Variants in PSMC3 observed in about 807,000 individuals in gnomAD.
PSMC3 encodes 26S proteasome regulatory subunit 6A.
Under a neutral mutation model 52.0 loss-of-function variants are expected in PSMC3, and 11 were observed. The observed-to-expected ratio is 0.21, with a 90% CI of 0.13 to 0.35. The LOEUF (loss-of-function observed/expected upper bound fraction) is 0.35. Ranked by LOEUF, PSMC3 falls within the 10% of genes least tolerant of loss-of-function variation. The pLI is 1.00. For missense variants in PSMC3, 238 were observed against 567.1 expected (o/e 0.42, Z 5.89); for synonymous variants, 201 against 218.8 (o/e 0.92, Z 0.72).
In PSMC3 at chr11:47,424,666, T is replaced by C. The variant is rs1344871576; in HGVS notation, c.331A>G (p.Ile111Val). ...PNDQEEDGAN[I>V]DLDSQRKGKC... is the part of the protein sequence containing the mutation. ...CCCTTCCTCTGGGAGTCCAGGTCAATATTGGCACCATCCTCCTCTTGGTCA... is the reference window on the plus strand; with the variant it reads ...CCCTTCCTCTGGGAGTCCAGGTCAACATTGGCACCATCCTCCTCTTGGTCA... Residue 111 changes from isoleucine (I) to valine (V), a missense_variant, in exon 4 of 12, where the codon ATT (isoleucine) becomes GTT (valine). This residue lies in a region of PSMC3 where 21 missense variants were observed against 95.6 expected (regional missense o/e 0.22). Transcript: ENST00000298852. This position sits in a 1 kb window ranked among gnomAD's most constrained non-coding sequence, Gnocchi z 4.8. 1.9e-5 allele frequency: 31 copies of C among 1,613,880 alleles called. No individual in the cohort carries two copies. Among genetic ancestry groups the C allele is most frequent in the Non-Finnish European group, 2.5e-5 (30 of 1,179,894 alleles).
chr11:47,424,738 T>C lies in PSMC3; in HGVS notation c.286-27A>G, dbSNP rs867196694. On this transcript the variant is annotated intron_variant, in intron 3 of 11. Coordinates refer to ENST00000298852, the MANE Select transcript of PSMC3 (RefSeq NM_002804.5). This position sits in a 1 kb window ranked among gnomAD's most constrained non-coding sequence, Gnocchi z 4.8. The stretch of plus-strand genomic sequence containing the variant: ...TGGGAAGGAAAAAATACTCAGCTCC[T>C]TGAACTCCCCAAGGCCCAGTGCTTC... 5.8e-6 allele frequency: 9 copies of C among 1,562,570 alleles called. No homozygotes were observed. In the Middle Eastern group the frequency reaches 1.2e-3, roughly 203 times the overall value.
intron 1 of PSMC3, 116 bp downstream of exon 1, chr11:47,426,089 C>T: frequency 7.0e-7 from 1 of 1,426,330 alleles, no homozygotes; most frequent in Non-Finnish European, 9.7e-7. Flanking sequence ...ACATCCCAAA[C>T]AACCCCGTCC....
Position 47,418,793 on chromosome 11 carries a change from A to G in PSMC3, c.*42T>C, listed in dbSNP as rs1267057491. On this transcript the variant is annotated 3_prime_UTR_variant, in exon 12 of 12. Transcript: ENST00000298852. ...CGGCAGGGACCCTAAACCATCTTTT[A>G]TTGCGCACTTCAGCCGTGAGACTGG... 6.4e-7 allele frequency: 1 copy of G among 1,560,730 alleles called. No homozygotes were observed. The highest frequency in any genetic ancestry group is 8.8e-7 in the Non-Finnish European group (1 of 1,133,456).
At chr11:47,423,597 A>T (rs755179738) in intron 6 of PSMC3, among the ~76,000 whole-genome samples, 1 of 151,566 alleles carries the variant, frequency 6.6e-6, no homozygotes, top group Non-Finnish European at 1.5e-5. Context: ...GACCAGCCTG[A>T]CCAACATGGA....
At chr11:47,425,289 C>G in intron 2 of PSMC3, 43 bp from the exon 3 acceptor site, 1 of 1,611,656 alleles carries the variant, frequency 6.2e-7, no homozygotes, top group African/African-American at 1.3e-5. Flanking sequence ...AACCCTGGCA[C>G]AGCTTATGCT....
At chr11:47,425,506 G>T in intron 2 of PSMC3, 1 of 571,866 alleles carries the variant, frequency 1.7e-6, no homozygotes, top group Non-Finnish European at 3.1e-6. Context: ...ATAGGTTTTA[G>T]GTTCTGCCTC....
At chr11:47,423,269 C>G (rs918429556) in intron 6 of PSMC3, among the ~76,000 whole-genome samples, 12 of 152,068 alleles carry the variant, frequency 7.9e-5, no homozygotes, top group African/African-American at 2.7e-4. Flanking sequence ...GCGGGGTGGT[C>G]GGGTGCCTGT....
At chr11:47,423,496 CG>C (rs1169543791) in intron 6 of PSMC3, among the ~76,000 whole-genome samples, 1 of 150,812 alleles carries the variant, frequency 6.6e-6, no homozygotes, top group Non-Finnish European at 1.5e-5. Context: ...GAAAAGACAC[CG>C]GGCCAGGGGC....
At chr11:47,419,739 G>T (rs2096037956) in intron 10 of PSMC3, among the ~76,000 whole-genome samples, 1 of 151,958 alleles carries the variant, frequency 6.6e-6, no homozygotes, top group Non-Finnish European at 1.5e-5. Flanking sequence ...GGCGCCTGTA[G>T]TCCCAGCTAC....
At position 47,422,756 on chromosome 11, in the gene PSMC3, G is replaced by C; in HGVS notation, c.736-34C>G. The C allele has an allele frequency of 6.2e-7, 1 of 1,613,220 alleles. No homozygotes were observed. The highest frequency in any genetic ancestry group is 1.1e-5 in the South Asian group (1 of 91,034). ...AAAAGGTGGTAGAGTCAGGTCAAAG[G>C]CAGACCCTTTGAGCCCATCTGGTAG... is the stretch of plus-strand genomic sequence containing the variant. On this transcript the variant is annotated intron_variant, in intron 7 of 11. Transcript: ENST00000298852. The surrounding 1 kb of genome is among the most constrained non-coding windows in gnomAD (Gnocchi z 4.3).
In PSMC3 at chr11:47,422,189, C is replaced by T. The variant is rs1785127530; in HGVS notation, c.884+385G>A. Among the ~76,000 whole-genome samples, 1 of 152,070 alleles carries T rather than the reference C, an allele frequency of 6.6e-6. No homozygotes were observed. The highest frequency in any genetic ancestry group is 2.4e-5 in the African/African-American group (1 of 41,406). Reference sequence around the variant, plus strand: ...TCCCAGGCATCTGGGACTACAGGCGCCTGCTACCACGCCCAGCTAATTTTT... The same window carrying T: ...TCCCAGGCATCTGGGACTACAGGCGTCTGCTACCACGCCCAGCTAATTTTT... On this transcript the variant is annotated intron_variant, in intron 8 of 11. Coordinates refer to ENST00000298852, the MANE Select transcript of PSMC3 (RefSeq NM_002804.5). This position sits in a 1 kb window ranked among gnomAD's most constrained non-coding sequence, Gnocchi z 4.3.
At position 47,426,428 on chromosome 11, in the gene PSMC3, A is replaced by G; in HGVS notation, c.-149T>C. The G allele has an allele frequency of 1.6e-6, 1 of 641,378 alleles. No homozygotes were observed. The highest frequency in any genetic ancestry group is 2.5e-6 in the Non-Finnish European group (1 of 407,982). 39.7% of individuals were successfully genotyped at this position (641,378 alleles called of 1,614,324 possible). A position where few individuals can be genotyped will look rare whatever the true frequency, so the allele number is the denominator to read the frequency against. On this transcript the variant is annotated 5_prime_UTR_variant, in exon 1 of 12. Coordinates refer to ENST00000298852, the MANE Select transcript of PSMC3 (RefSeq NM_002804.5). ...CCGACCAGCTCCGGCCGTGCTGCGG[A>G]GCAGCGAATCTGCCTCTCCGATTCC... is the stretch of plus-strand genomic sequence containing the variant.
intron 10 of PSMC3, 40 bp from the exon 11 acceptor site, chr11:47,419,237 C>A (rs376409850): frequency 6.2e-7 from 1 of 1,606,806 alleles, no homozygotes; most frequent in Non-Finnish European, 8.5e-7. Context: ...GTGGCTTATG[C>A]GGAATGGGCA....
Position 47,424,566 on chromosome 11 carries a change from C to A in PSMC3, c.390+41G>T. On this transcript the variant is annotated intron_variant, in intron 4 of 11. Transcript: ENST00000298852. The surrounding 1 kb of genome is among the most constrained non-coding windows in gnomAD (Gnocchi z 4.8). ...TCCCTAGTCCTGTCCCACATCCGCTCCTCACCCTCCTCCAGTCTCTCATTG... is the reference window on the plus strand; with the variant it reads ...TCCCTAGTCCTGTCCCACATCCGCTACTCACCCTCCTCCAGTCTCTCATTG... 6.2e-7 allele frequency: 1 copy of A among 1,605,510 alleles called. No individual in the cohort carries two copies. The highest frequency in any genetic ancestry group is 1.1e-5 in the South Asian group (1 of 90,886).
intron 10 of PSMC3, 59 bp from the exon 11 acceptor site, chr11:47,419,256 A>C: frequency 6.4e-7 from 1 of 1,570,640 alleles, no homozygotes; most frequent in Non-Finnish European, 8.8e-7. Context: ...CAGAGGGGCC[A>C]AATATCCTCC....
chr11:47,420,755 G>C, intron 8 of PSMC3, 28 bp from the exon 9 acceptor site: 1 of 1,543,810 alleles, frequency 6.5e-7, no homozygotes, highest in South Asian at 1.2e-5. Context: ...CGAGATGCTG[G>C]TGAGGGCACA....
intron 2 of PSMC3, chr11:47,425,464 G>A (rs990913707): frequency 1.6e-5 from 10 of 606,736 alleles, no homozygotes; most frequent in Non-Finnish European, 2.6e-5. Context: ...TGGTAGTATT[G>A]GAATAAAAGC....
rs1340351600 is a variant in PSMC3 at position 47,425,780 on chromosome 11, C to A, written c.159+87G>T. 2.4e-5 allele frequency: 29 copies of A among 1,199,042 alleles called. No homozygotes were observed. In the Admixed American group the frequency reaches 6.3e-4, roughly 26 times the overall value. 74.3% of individuals were successfully genotyped at this position (1,199,042 alleles called of 1,614,324 possible). On this transcript the variant is annotated intron_variant, in intron 2 of 11. Coordinates refer to ENST00000298852, the MANE Select transcript of PSMC3 (RefSeq NM_002804.5). ...CGAGCCCCATGTCTCCCCCAGGGTG[C>A]CCGATTAGGAAGTACGAGAGGCGAC...
rs772925071 is a variant in PSMC3, at chr11:47,419,098, C to A, written c.1209+18G>T. 3.1e-6 allele frequency: 5 copies of A among 1,614,062 alleles called. No individual in the cohort carries two copies. Among genetic ancestry groups the A allele is most frequent in the Non-Finnish European group, 2.5e-6 (3 of 1,179,960 alleles). The stretch of plus-strand genomic sequence containing the variant: ...AAGAAGGCACAAAGCAACGCACCCA[C>A]CCCAGCTGACCACTCACCGCCTCCA... On this transcript the variant is annotated intron_variant, in intron 11 of 11. Transcript: ENST00000298852.
Sources: gnomAD v4.1 joint callset for allele counts (sites outside exome capture counted in the v4.1 genomes callset) on GRCh38, gnomAD v4.1.1 for gene constraint, gnomAD v4.1.1 regional missense constraint, Gnocchi (gnomAD v3.1) non-coding constraint, MANE v1.5 for transcripts, NCBI Gene and HGNC (gene_info 2026-07-23, HGNC 2026-07-21) for gene names.